Variants in SLC67A2 observed in about 807,000 individuals in gnomAD.
SLC67A2 encodes solute carrier family 67 member A2.
chr2:102,719,185 C>A, the SLC67A2 span: 1 of 1,613,154 alleles, frequency 6.2e-7, no homozygotes, highest in Non-Finnish European at 8.5e-7. Context: ...TTGCTTCCCT[C>A]CATGGAAAGA....
At chr2:102,727,647 A>T in the SLC67A2 span, among the ~76,000 whole-genome samples, 1 of 152,220 alleles carries the variant, frequency 6.6e-6, no homozygotes, top group African/African-American at 2.4e-5. Flanking sequence ...TTCTCCACAG[A>T]TACCCTTAAA....
the SLC67A2 span, among the ~76,000 whole-genome samples, chr2:102,723,130 T>C: frequency 6.6e-6 from 1 of 152,194 alleles, no homozygotes; most frequent in African/African-American, 2.4e-5. Flanking sequence ...GGAGGGCTAA[T>C]ACAGACATAT....
At chr2:102,727,065 A>C in the SLC67A2 span, 1 of 1,423,954 alleles carries the variant, frequency 7.0e-7, no homozygotes, top group Non-Finnish European at 9.4e-7. Context: ...AGGGGAAAAC[A>C]ATGGAAGATT....
chr2:102,718,492 C>G, the SLC67A2 span: 1 of 1,614,092 alleles, frequency 6.2e-7, no homozygotes, highest in Admixed American at 1.7e-5. Context: ...TGAAAATGGC[C>G]ACTAAGGCTA....
chr2:102,728,066 C>A, the SLC67A2 span, among the ~76,000 whole-genome samples: 1 of 152,046 alleles, frequency 6.6e-6, no homozygotes, highest in Middle Eastern at 3.4e-3. Context: ...TGAGCAAGAC[C>A]ACAGAGGTGG....
At chr2:102,730,108 C>T in the SLC67A2 span, among the ~76,000 whole-genome samples, 1 of 152,176 alleles carries the variant, frequency 6.6e-6, no homozygotes, top group South Asian at 2.1e-4. Context: ...TCACAGTAGA[C>T]ATTACAGGGA....
chr2:102,726,445 G>T, the SLC67A2 span, among the ~76,000 whole-genome samples: 78,208 of 151,962 alleles, frequency 0.51, 21,014 homozygotes, highest in Non-Finnish European at 0.59. Context: ...TCCAGGTTTG[G>T]TCAAGATAGC....
chr2:102,733,450 A>T, the SLC67A2 span, among the ~76,000 whole-genome samples: 2 of 152,156 alleles, frequency 1.3e-5, no homozygotes, highest in Non-Finnish European at 2.9e-5. Flanking sequence ...AAATTTCCAC[A>T]TACTCTTTTC....
At chr2:102,733,466 G>A in the SLC67A2 span, among the ~76,000 whole-genome samples, 5 of 152,198 alleles carry the variant, frequency 3.3e-5, no homozygotes, top group Admixed American at 3.3e-4. Context: ...TTTTCAGTGG[G>A]CCTTTTCCAT....
chr2:102,730,270 G>C, the SLC67A2 span, among the ~76,000 whole-genome samples: 3 of 152,108 alleles, frequency 2.0e-5, no homozygotes, highest in Admixed American at 1.3e-4. Flanking sequence ...GGCTAGACTT[G>C]AATTCCTGGG....
At chr2:102,736,837 A>G in the SLC67A2 span, 11 of 1,581,844 alleles carry the variant, frequency 7.0e-6, no homozygotes, top group Admixed American at 1.7e-5. Context: ...GGTCGGACGC[A>G]GCAGCAGCCG....
chr2:102,728,175 A>G, the SLC67A2 span, among the ~76,000 whole-genome samples: 1 of 152,160 alleles, frequency 6.6e-6, no homozygotes, highest in Admixed American at 6.5e-5. Context: ...ACTAAACACT[A>G]TACTATCAAT....
At chr2:102,736,564 C>A in the SLC67A2 span, 3 of 1,611,464 alleles carry the variant, frequency 1.9e-6, no homozygotes, top group East Asian at 2.2e-5. Context: ...CCTGGGAGCT[C>A]CCCGGAAGCT....
the SLC67A2 span, chr2:102,726,731 G>A: frequency 9.8e-6 from 14 of 1,429,738 alleles, no homozygotes; most frequent in South Asian, 1.9e-4. Flanking sequence ...CTTTAAGCAA[G>A]TAAGGATGTT....
chr2:102,720,326 G>C, the SLC67A2 span, among the ~76,000 whole-genome samples: 46 of 152,074 alleles, frequency 3.0e-4, no homozygotes, highest in Middle Eastern at 0.01. Context: ...ATCTTAAAAG[G>C]GCCCTTGAAC....
the SLC67A2 span, among the ~76,000 whole-genome samples, chr2:102,730,674 C>G: frequency 2.6e-5 from 4 of 151,890 alleles, no homozygotes; most frequent in African/African-American, 9.7e-5. Context: ...TCCCGAGTAG[C>G]TGGGACTACA....
chr2:102,726,193 C>T, the SLC67A2 span, among the ~76,000 whole-genome samples: 8 of 152,296 alleles, frequency 5.3e-5, 1 homozygote, highest in South Asian at 8.3e-4. Flanking sequence ...GACAGTCAGA[C>T]AAAAGGAGGC....
chr2:102,721,380 G>C, the SLC67A2 span, among the ~76,000 whole-genome samples: 1 of 152,180 alleles, frequency 6.6e-6, no homozygotes, highest in African/African-American at 2.4e-5. Context: ...AAATCATAAT[G>C]TATTTCTGTG....
the SLC67A2 span, among the ~76,000 whole-genome samples, chr2:102,728,391 C>T: frequency 6.6e-6 from 1 of 152,128 alleles, no homozygotes; most frequent in Admixed American, 6.5e-5. Context: ...TCTCACAGGC[C>T]ACTACTGCAT....
Sources: gnomAD v4.1 joint callset for allele counts (sites outside exome capture counted in the v4.1 genomes callset) on GRCh38, gnomAD v4.1.1 for gene constraint, MANE v1.5 for transcripts, NCBI Gene and HGNC (gene_info 2026-07-23, HGNC 2026-07-21) for gene names.